Variants in SSBP2 observed in about 807,000 individuals in gnomAD.
The protein encoded by SSBP2 is single-stranded DNA-binding protein 2.
A neutral mutation model predicts 61.8 loss-of-function variants in SSBP2; 17 were observed. The ratio of observed to expected loss-of-function variants is 0.28; its 90% CI spans 0.19 to 0.41. The LOEUF (loss-of-function observed/expected upper bound fraction) is 0.41, where lower values mean the gene tolerates loss of function less well. Among genes scored for constraint, SSBP2 ranks in the 10% least tolerant of loss-of-function variants. The pLI is 1.00. For missense variants in SSBP2, 310 were observed against 458.7 expected, an observed-to-expected ratio of 0.68 and a Z score of 2.96; for synonymous variants, 139 against 141.3, an observed-to-expected ratio of 0.98 and a Z score of 0.12.
intron 4 of SSBP2, among the ~76,000 whole-genome samples, chr5:81,529,908 T>C (rs1423802055): frequency 6.6e-6 from 1 of 152,032 alleles, no homozygotes; most frequent in Non-Finnish European, 1.5e-5. Context: ...AACATGATGA[T>C]AGTGATATTT....
chr5:81,669,700 A>G (rs570616889), intron 1 of SSBP2, among the ~76,000 whole-genome samples: 91 of 152,196 alleles, frequency 6.0e-4, no homozygotes, highest in African/African-American at 2.1e-3. Context: ...GGACAGGTCA[A>G]TATGTGCAGC....
intron 1 of SSBP2, among the ~76,000 whole-genome samples, chr5:81,750,293 G>C (rs1298071225): frequency 2.2e-5 from 3 of 136,520 alleles, no homozygotes; most frequent in African/African-American, 8.4e-5. Flanking sequence ...GGGGGACTGC[G>C]GGCGCCGCGT....
intron 3 of SSBP2, among the ~76,000 whole-genome samples, chr5:81,615,917 A>C (rs556152280): frequency 2.0e-5 from 3 of 152,234 alleles, no homozygotes; most frequent in African/African-American, 7.2e-5. Flanking sequence ...TCCTAATTTA[A>C]TAATTAAGGA....
intron 1 of SSBP2, among the ~76,000 whole-genome samples, chr5:81,706,162 C>T (rs403795): frequency 0.56 from 84,465 of 151,986 alleles, 25,203 homozygotes; most frequent in African/African-American, 0.73. Context: ...AAAAAGAGAA[C>T]GAAATCAAGT....
chr5:81,659,955 T>C lies in SSBP2; in HGVS notation c.63-9616A>G, dbSNP rs182592452. ...GGGGATAAAAATGGTGCTGGAAAAATTGGCTAGCCATATGCAGAAAACTGA... is the reference window on the plus strand; with the variant it reads ...GGGGATAAAAATGGTGCTGGAAAAACTGGCTAGCCATATGCAGAAAACTGA... On this transcript the variant is annotated intron_variant, in intron 1 of 16. Transcript: ENST00000320672. Among the ~76,000 whole-genome samples, 220 of 151,876 alleles carry C rather than the reference T, an allele frequency of 1.4e-3. 1 individual carries two copies. The highest frequency in any genetic ancestry group is 3.4e-3 in the Middle Eastern group (1 of 294).
chr5:81,746,776 T>TA (rs1757371840), intron 1 of SSBP2, among the ~76,000 whole-genome samples: 1 of 152,124 alleles, frequency 6.6e-6, no homozygotes, highest in Non-Finnish European at 1.5e-5. Context: ...TAAAAGTCGG[T>TA]ATATATTATG....
chr5:81,502,249 A>C (rs1473320549), intron 5 of SSBP2, among the ~76,000 whole-genome samples: 4 of 152,204 alleles, frequency 2.6e-5, no homozygotes, highest in African/African-American at 4.8e-5. Flanking sequence ...AATTTGACCT[A>C]TCAGCAGTAT....
rs192916996 is a variant in SSBP2 at position 81,681,286 on chromosome 5, G to A, written c.63-30947C>T. 4.4e-3 allele frequency among the ~76,000 whole-genome samples: 668 copies of A among 152,176 alleles called. 4 individuals carry two copies. The highest frequency in any genetic ancestry group is 0.015 in the African/African-American group (617 of 41,540). ...TGTAATCCCAGCACTTTGGGAGACC[G>A]AGGAGGGCAGATCACCTGAGGTCAG... On this transcript the variant is annotated intron_variant, in intron 1 of 16. Coordinates refer to ENST00000320672, the MANE Select transcript of SSBP2 (RefSeq NM_012446.5).
chr5:81,702,162 G>A (rs561331403), intron 1 of SSBP2, among the ~76,000 whole-genome samples: 6 of 152,286 alleles, frequency 3.9e-5, no homozygotes, highest in Admixed American at 3.9e-4. Flanking sequence ...CACGAGGTCA[G>A]GAGATCAAGA....
chr5:81,504,355 C>A (rs1214784774), intron 5 of SSBP2, among the ~76,000 whole-genome samples: 2 of 152,168 alleles, frequency 1.3e-5, no homozygotes, highest in Non-Finnish European at 2.9e-5. Context: ...AATCCAAAGT[C>A]CCTACAATAA....
At chr5:81,705,207 G>T (rs1468263171) in intron 1 of SSBP2, among the ~76,000 whole-genome samples, 1 of 152,080 alleles carries the variant, frequency 6.6e-6, no homozygotes, top group Non-Finnish European at 1.5e-5. Context: ...CTTGTGCATA[G>T]TGATAGGGGA....
At chr5:81,610,392 T>C (rs1745327892) in intron 4 of SSBP2, among the ~76,000 whole-genome samples, 3 of 152,242 alleles carry the variant, frequency 2.0e-5, no homozygotes, top group Admixed American at 2.0e-4. Flanking sequence ...TTAACAAATA[T>C]ATACATTTTT....
intron 5 of SSBP2, among the ~76,000 whole-genome samples, chr5:81,499,207 C>T (rs1009300601): frequency 6.6e-6 from 1 of 152,156 alleles, no homozygotes; most frequent in Non-Finnish European, 1.5e-5. Flanking sequence ...ATTCTATCAT[C>T]AACACTTAAT....
At chr5:81,528,106 G>A (rs927722961) in intron 4 of SSBP2, among the ~76,000 whole-genome samples, 2 of 151,902 alleles carry the variant, frequency 1.3e-5, no homozygotes, top group African/African-American at 4.8e-5. Flanking sequence ...TTTGTTTTCA[G>A]TCCGAAAATA....
chr5:81,611,532 G>C (rs1745439378), intron 4 of SSBP2, among the ~76,000 whole-genome samples: 1 of 151,976 alleles, frequency 6.6e-6, no homozygotes, highest in Non-Finnish European at 1.5e-5. Flanking sequence ...ATCTCCAATT[G>C]TAAGTTAAAA....
chr5:81,437,051 T>A (rs1022448751), intron 15 of SSBP2, among the ~76,000 whole-genome samples: 1 of 152,152 alleles, frequency 6.6e-6, no homozygotes, highest in Non-Finnish European at 1.5e-5. Context: ...ATAACCACTT[T>A]TTCAAATTTA....
At chr5:81,642,607 CAT>C (rs1748888840) in intron 2 of SSBP2, among the ~76,000 whole-genome samples, 1 of 152,136 alleles carries the variant, frequency 6.6e-6, no homozygotes, top group South Asian at 2.1e-4. Flanking sequence ...CTGATGGTCA[CAT>C]GTGGGAAATT....
intron 15 of SSBP2, among the ~76,000 whole-genome samples, chr5:81,430,029 T>C (rs1209441702): frequency 6.6e-6 from 1 of 152,184 alleles, no homozygotes; most frequent in Non-Finnish European, 1.5e-5. Flanking sequence ...TCCAAGTATA[T>C]AGAAAAGCAA....
chr5:81,600,925 A>G (rs1744301251), intron 4 of SSBP2, among the ~76,000 whole-genome samples: 1 of 152,214 alleles, frequency 6.6e-6, no homozygotes, highest in Non-Finnish European at 1.5e-5. Flanking sequence ...TTGACTGAAT[A>G]TGCTGAACAA....
Sources: gnomAD v4.1 joint callset for allele counts (sites outside exome capture counted in the v4.1 genomes callset) on GRCh38, gnomAD v4.1.1 for gene constraint, MANE v1.5 for transcripts, NCBI Gene and HGNC (gene_info 2026-07-23, HGNC 2026-07-21) for gene names.